SYPL2: variants seen among roughly 807,000 people sequenced by gnomAD.
SYPL2 encodes synaptophysin-like protein 2.
Under a neutral mutation model 31.3 loss-of-function variants are expected in SYPL2, and 24 were observed. The ratio of observed to expected loss-of-function variants is 0.77; its 90% CI spans 0.56 to 1.08. The LOEUF (loss-of-function observed/expected upper bound fraction) is 1.08, where lower values mean the gene tolerates loss of function less well. SYPL2 is among the 50% of genes least tolerant of loss of function. SYPL2 has a pLI of 0.00. For synonymous variants in SYPL2, 144 were observed against 143.1 expected, an observed-to-expected ratio of 1.01 and a Z score of -0.05; for missense variants, 342 against 360.1, an observed-to-expected ratio of 0.95 and a Z score of 0.41.
intron 1 of SYPL2, 24 bp from the exon 2 acceptor site, chr1:109,467,035 C>A (rs1480650513): frequency 6.5e-7 from 1 of 1,542,808 alleles, no homozygotes; most frequent in African/African-American, 1.4e-5. Flanking sequence ...CGCCCTGACC[C>A]CCCGGCCGGC....
chr1:109,467,766 A>G (rs1655702818), intron 2 of SYPL2, among the ~76,000 whole-genome samples: 1 of 152,244 alleles, frequency 6.6e-6, no homozygotes, highest in Non-Finnish European at 1.5e-5. Context: ...AAATCACGGC[A>G]TGGCTAAAAT....
Position 109,478,654 on chromosome 1 carries a change from G to A in SYPL2, c.648+645G>A, listed in dbSNP as rs369714561. Reference sequence around the variant, plus strand: ...AATGGCTGGCACACCAGGAACACACGTCTGGAACTTGCTGGAACCCTGCTT... The same window carrying A: ...AATGGCTGGCACACCAGGAACACACATCTGGAACTTGCTGGAACCCTGCTT... On this transcript the variant is annotated intron_variant, in intron 5 of 5. Transcript: ENST00000369872. The surrounding 1 kb of genome is among the most constrained non-coding windows in gnomAD (Gnocchi z 4.0). 2.0e-5 allele frequency among the ~76,000 whole-genome samples: 3 copies of A among 152,118 alleles called. No individual in the cohort carries two copies. Among genetic ancestry groups the A allele is most frequent in the Non-Finnish European group, 4.4e-5 (3 of 68,026 alleles).
Position 109,479,406 on chromosome 1 carries a change from G to A in SYPL2, c.677G>A (p.Trp226Ter). 3 of 1,613,878 alleles carry A rather than the reference G, an allele frequency of 1.9e-6. No homozygotes were observed. The highest frequency in any genetic ancestry group is 2.5e-6 in the Non-Finnish European group (3 of 1,179,958). Residue 226 changes from tryptophan to a stop codon, truncating the protein, a stop_gained, in exon 6 of 6, where the codon TGG (tryptophan) becomes TAG (stop). Transcript: ENST00000369872. LOFTEE classifies it high-confidence loss of function. ...TTTGGCTTTATCAACTTCTTCCTGT[G>A]GGCCGGGAACTGTTGGTTTGTGTTC... is the stretch of plus-strand genomic sequence containing the variant. ...VLFGFINFFL[W>*]AGNCWFVFKE... is the part of the protein sequence containing the mutation.
Position 109,482,012 on chromosome 1 carries a change from A to G in SYPL2, c.*2464A>G, listed in dbSNP as rs1399394582. The G allele has an allele frequency of 1.3e-5, 2 of 152,536 alleles. No individual in the cohort carries two copies. Among genetic ancestry groups the G allele is most frequent in the Non-Finnish European group, 2.9e-5 (2 of 68,056 alleles). 9.4% of individuals were successfully genotyped at this position (152,536 alleles called of 1,614,324 possible). A position where few individuals can be genotyped will look rare whatever the true frequency, so the allele number is the denominator to read the frequency against. The stretch of plus-strand genomic sequence containing the variant: ...CTGGACATGAGTTTCCTTCACTATC[A>G]TAGTCATGAGCCTCCTACTTCTGGG... On this transcript the variant is annotated 3_prime_UTR_variant, in exon 6 of 6. Coordinates refer to ENST00000369872, the MANE Select transcript of SYPL2 (RefSeq NM_001040709.2).
chr1:109,466,716 C>T lies in SYPL2; in HGVS notation c.-128C>T. 4 of 1,026,410 alleles carry T rather than the reference C, an allele frequency of 3.9e-6. No homozygotes were observed. Among genetic ancestry groups the T allele is most frequent in the Non-Finnish European group, 5.1e-6 (4 of 778,616 alleles). The allele number at this position is 1,026,410 out of a possible 1,614,324, so 63.6% of individuals were successfully genotyped here. On this transcript the variant is annotated 5_prime_UTR_variant, in exon 1 of 6. Transcript: ENST00000369872. ...GACTGGACTCCGGCCCACCGACGGCCGCTCGCGCTCCGGCCCCGCTCGCCT... is the reference window on the plus strand; with the variant it reads ...GACTGGACTCCGGCCCACCGACGGCTGCTCGCGCTCCGGCCCCGCTCGCCT...
chr1:109,468,081 C>T (rs2100998225), intron 2 of SYPL2, among the ~76,000 whole-genome samples: 1 of 152,292 alleles, frequency 6.6e-6, no homozygotes, highest in East Asian at 1.9e-4. Flanking sequence ...TAGGCCAGTG[C>T]CTAAGGCCTC....
rs539047587 is a variant in SYPL2, at chr1:109,477,753, G to T, written c.457-65G>T. On this transcript the variant is annotated intron_variant, in intron 4 of 5. Coordinates refer to ENST00000369872, the MANE Select transcript of SYPL2 (RefSeq NM_001040709.2). The stretch of plus-strand genomic sequence containing the variant: ...TGGGATTGCCAGTATCATGGCAAGT[G>T]GAAAAGAAGCAAGGGAATCATGGGG... The T allele has an allele frequency of 6.9e-5, 106 of 1,539,526 alleles. No individual in the cohort carries two copies. The African/African-American group carries it at 1.0e-3, about 15-fold the overall frequency.
At chr1:109,477,590 G>T (rs1353591925) in intron 4 of SYPL2, among the ~76,000 whole-genome samples, 1 of 152,146 alleles carries the variant, frequency 6.6e-6, no homozygotes, top group African/African-American at 2.4e-5. Flanking sequence ...GTACACTGTT[G>T]CCAGATCTTA....
At chr1:109,470,158 G>A (rs1181212823) in intron 2 of SYPL2, among the ~76,000 whole-genome samples, 5 of 152,052 alleles carry the variant, frequency 3.3e-5, no homozygotes, top group African/African-American at 1.2e-4. Flanking sequence ...TAGCTAAGTT[G>A]TAAAAAATTT....
rs533219456 is a variant in SYPL2, at chr1:109,482,044, G to C, written c.*2496G>C. On this transcript the variant is annotated 3_prime_UTR_variant, in exon 6 of 6. Transcript: ENST00000369872. Reference sequence around the variant, plus strand: ...TGAGCCTCCTACTTCTGGGATTGCAGATCAGGGGTGGGGGGAGAATGTTGC... The same window carrying C: ...TGAGCCTCCTACTTCTGGGATTGCACATCAGGGGTGGGGGGAGAATGTTGC... The C allele has an allele frequency of 6.5e-5, 10 of 152,812 alleles. No homozygotes were observed. The highest frequency in any genetic ancestry group is 6.5e-4 in the Admixed American group (10 of 15,298). The allele number at this position is 152,812 out of a possible 1,614,324, so 9.5% of individuals were successfully genotyped here.
At chr1:109,467,670 G>A (rs1655699025) in intron 2 of SYPL2, among the ~76,000 whole-genome samples, 1 of 152,188 alleles carries the variant, frequency 6.6e-6, no homozygotes, top group South Asian at 2.1e-4. Flanking sequence ...AGTAATCCGA[G>A]TTCCTGTAAA....
chr1:109,471,179 C>T (rs1655820745), intron 2 of SYPL2, among the ~76,000 whole-genome samples: 2 of 152,306 alleles, frequency 1.3e-5, no homozygotes, highest in South Asian at 4.2e-4. Flanking sequence ...CCCTCTGTGA[C>T]ATGAGATGAT....
chr1:109,473,964 T>C (rs545911579), intron 2 of SYPL2, among the ~76,000 whole-genome samples: 2 of 152,102 alleles, frequency 1.3e-5, no homozygotes, highest in South Asian at 2.1e-4. Context: ...CCTGGCTAAT[T>C]AGTGACAGGA....
intron 2 of SYPL2, 94 bp from the exon 3 acceptor site, chr1:109,475,487 A>G: frequency 6.6e-7 from 1 of 1,515,888 alleles, no homozygotes; most frequent in Non-Finnish European, 8.9e-7. Flanking sequence ...CCACTCCCGC[A>G]CTTAATGTCT....
In SYPL2 at chr1:109,466,738, G is replaced by T. The variant is rs1655648676; in HGVS notation, c.-106G>T. 3 of 1,257,060 alleles carry T rather than the reference G, an allele frequency of 2.4e-6. No homozygotes were observed. The highest frequency in any genetic ancestry group is 8.0e-5 in the Admixed American group (2 of 24,850). 77.9% of individuals were successfully genotyped at this position (1,257,060 alleles called of 1,614,324 possible). On this transcript the variant is annotated 5_prime_UTR_variant, in exon 1 of 6. Transcript: ENST00000369872. ...GGCCGCTCGCGCTCCGGCCCCGCTCGCCTGCTCTGCCCCGGACCTGCAGCT... is the reference window on the plus strand; with the variant it reads ...GGCCGCTCGCGCTCCGGCCCCGCTCTCCTGCTCTGCCCCGGACCTGCAGCT...
intron 2 of SYPL2, among the ~76,000 whole-genome samples, chr1:109,474,626 C>T (rs917744436): frequency 3.3e-5 from 5 of 152,010 alleles, no homozygotes; most frequent in African/African-American, 1.2e-4. Flanking sequence ...CAGGTGTGAG[C>T]CACCGCACCT....
intron 2 of SYPL2, among the ~76,000 whole-genome samples, chr1:109,473,904 A>AT (rs1655912361): frequency 6.6e-6 from 1 of 151,444 alleles, no homozygotes; most frequent in East Asian, 1.9e-4. Flanking sequence ...AAAAAAAAAA[A>AT]AAAAGATGAG....
At position 109,478,318 on chromosome 1, in the gene SYPL2, T is replaced by C. The variant is rs1041055083; in HGVS notation, c.648+309T>C. 6.6e-6 allele frequency among the ~76,000 whole-genome samples: 1 copy of C among 152,156 alleles called. No homozygotes were observed. The highest frequency in any genetic ancestry group is 1.5e-5 in the Non-Finnish European group (1 of 68,020). On this transcript the variant is annotated intron_variant, in intron 5 of 5. Transcript: ENST00000369872. The surrounding 1 kb of genome is among the most constrained non-coding windows in gnomAD (Gnocchi z 4.0). The stretch of plus-strand genomic sequence containing the variant: ...CTGTGATGTCTCCCCTCCTCCTGCC[T>C]GTTCTACACAATGTGTGTGAACACA...
Position 109,479,592 on chromosome 1 carries a change from C to T in SYPL2, c.*44C>T. The T allele has an allele frequency of 1.3e-6, 2 of 1,588,650 alleles. No homozygotes were observed. The highest frequency in any genetic ancestry group is 1.3e-5 in the African/African-American group (1 of 74,430). On this transcript the variant is annotated 3_prime_UTR_variant, in exon 6 of 6. Coordinates refer to ENST00000369872, the MANE Select transcript of SYPL2 (RefSeq NM_001040709.2). ...ATTCCCGAACTGGACAGCACCTCTT[C>T]AACCACCTCCGGCTTCCAGGACCTT...
Sources: allele counts gnomAD v4.1 joint callset (sites outside exome capture counted in the v4.1 genomes callset), GRCh38; gene constraint gnomAD v4.1.1; non-coding constraint Gnocchi (gnomAD v3.1); transcripts MANE v1.5; gene names NCBI Gene and HGNC (gene_info 2026-07-23, HGNC 2026-07-21).